The following RAB11FIP3 variants were observed in gnomAD, a reference collection of about 807,000 sequenced individuals.
The protein encoded by RAB11FIP3 is RAB11 family interacting protein 3.
RAB11FIP3 carries 17 observed loss-of-function variants against 77.8 expected under a neutral mutation model. The ratio of observed to expected loss-of-function variants is 0.22; its 90% CI spans 0.15 to 0.33. The LOEUF is 0.33. Among genes scored for constraint, RAB11FIP3 ranks in the 10% least tolerant of loss-of-function variants. The probability of loss-of-function intolerance (pLI) is 1.00; values close to 1 mark genes in which losing one functional copy is unlikely to be tolerated. For synonymous variants in RAB11FIP3, 437 were observed against 448.2 expected (o/e 0.98, Z 0.31); for missense variants, 1,005 against 1,011.2 (o/e 0.99, Z 0.08).
intron 4 of RAB11FIP3, among the ~76,000 whole-genome samples, chr16:488,011 G>A (rs2141760345): frequency 6.6e-6 from 1 of 151,348 alleles, no homozygotes; most frequent in Non-Finnish European, 1.5e-5. Flanking sequence ...GACGTGGGAG[G>A]GCACACGAGT....
At chr16:433,577 G>C (rs2055076176) in intron 1 of RAB11FIP3, among the ~76,000 whole-genome samples, 2 of 151,802 alleles carry the variant, frequency 1.3e-5, no homozygotes, top group African/African-American at 4.8e-5. Context: ...GGCCGGATGC[G>C]GTGGCTCACG....
chr16:511,281 C>T (rs567544485), intron 9 of RAB11FIP3, among the ~76,000 whole-genome samples: 105 of 129,082 alleles, frequency 8.1e-4, no homozygotes, highest in Admixed American at 1.8e-3. Context: ...AAACTGCAGG[C>T]CAGGTAGGAG....
chr16:479,959 G>A (rs1025426342), intron 3 of RAB11FIP3, among the ~76,000 whole-genome samples: 1 of 151,684 alleles, frequency 6.6e-6, no homozygotes, highest in Non-Finnish European at 1.5e-5. Flanking sequence ...CTTGTTTTCT[G>A]CTCTCAGACA....
At chr16:468,441 A>G (rs2055755967) in intron 2 of RAB11FIP3, among the ~76,000 whole-genome samples, 3 of 152,030 alleles carry the variant, frequency 2.0e-5, no homozygotes, top group Admixed American at 2.0e-4. Flanking sequence ...AAACTAGAAT[A>G]AAACGAAGTC....
rs1491025998 is a variant in RAB11FIP3 at position 522,272 on chromosome 16, A to ATG, written c.*1435_*1436dup. On this transcript the variant is annotated 3_prime_UTR_variant, in exon 14 of 14. Coordinates refer to ENST00000262305, the MANE Select transcript of RAB11FIP3 (RefSeq NM_014700.4). ...TATATATATATATATATATATATAT[A>ATG]TGTATAATATATAAAGACTGGCACC... The ATG allele has an allele frequency of 6.9e-6, 1 of 145,272 alleles. No homozygotes were observed. The highest frequency in any genetic ancestry group is 6.9e-5 in the Admixed American group (1 of 14,580). 9.0% of individuals were successfully genotyped at this position (145,272 alleles called of 1,614,324 possible).
rs2055817509 is a variant in RAB11FIP3 at position 471,965 on chromosome 16, G to A, written c.903+576G>A. On this transcript the variant is annotated intron_variant, in intron 3 of 13. Transcript: ENST00000262305. The surrounding 1 kb of genome is among the most constrained non-coding windows in gnomAD (Gnocchi z 4.4). ...TAGATTCCAGGAGAGCCACGTGGCT[G>A]CAGCAGAAAATGCATGAAGTTGAAC... Among the ~76,000 whole-genome samples the A allele has an allele frequency of 6.6e-6, 1 of 152,202 alleles. No homozygotes were observed. The highest frequency in any genetic ancestry group is 1.5e-5 in the Non-Finnish European group (1 of 68,038).
chr16:438,392 C>T (rs903050074), intron 1 of RAB11FIP3, among the ~76,000 whole-genome samples: 6 of 150,356 alleles, frequency 4.0e-5, no homozygotes, highest in East Asian at 2.0e-4. Context: ...AGGCATGAGC[C>T]GCTGCGTCCG....
chr16:516,214 T>C (rs774359496), intron 9 of RAB11FIP3, among the ~76,000 whole-genome samples: 133 of 152,292 alleles, frequency 8.7e-4, no homozygotes, highest in Admixed American at 1.4e-3. Context: ...TGCCCCTGGG[T>C]TTCCACTTAC....
In RAB11FIP3 at chr16:454,214, A is replaced by G. The variant is rs565845473; in HGVS notation, c.715-7190A>G. On this transcript the variant is annotated intron_variant, in intron 1 of 13. Transcript: ENST00000262305. ...CTCTGAGCAGGGTCGTTAAGCATCAACTGCCAAGCATAACCCCCTATAAAG... is the reference window on the plus strand; with the variant it reads ...CTCTGAGCAGGGTCGTTAAGCATCAGCTGCCAAGCATAACCCCCTATAAAG... 1.7e-4 allele frequency among the ~76,000 whole-genome samples: 26 copies of G among 152,272 alleles called. 1 individual carries two copies. Among genetic ancestry groups the G allele is most frequent in the Middle Eastern group, 3.4e-3 (1 of 294 alleles).
rs1466408697 is a variant in RAB11FIP3, at chr16:438,839, G to A, written c.714+12119G>A. ...CAAGTAGCTGGGACTACTGGCACGC[G>A]CCACCACGCCCAGCTAATTTTTGTA... is the stretch of plus-strand genomic sequence containing the variant. On this transcript the variant is annotated intron_variant, in intron 1 of 13. Transcript: ENST00000262305. Among the ~76,000 whole-genome samples, 4 of 152,192 alleles carry A rather than the reference G, an allele frequency of 2.6e-5. No individual in the cohort carries two copies. The South Asian group carries it at 6.2e-4, about 24-fold the overall frequency.
chr16:494,840 C>T (rs8063559), intron 5 of RAB11FIP3, among the ~76,000 whole-genome samples: 1,105 of 129,324 alleles, frequency 8.5e-3, no homozygotes, highest in African/African-American at 0.03. Context: ...GAGGTCGAGG[C>T]TGCAGAGGTG....
At chr16:510,133 AC>A (rs2032066797) in intron 8 of RAB11FIP3, among the ~76,000 whole-genome samples, 1 of 144,688 alleles carries the variant, frequency 6.9e-6, no homozygotes, top group Admixed American at 6.8e-5. Context: ...CTCTGAGCGC[AC>A]TCGTTGTGTG....
At chr16:465,129 C>T (rs1193754861) in intron 2 of RAB11FIP3, among the ~76,000 whole-genome samples, 3 of 152,028 alleles carry the variant, frequency 2.0e-5, no homozygotes, top group Admixed American at 6.6e-5. Context: ...GGAGAAAAGC[C>T]GCTCATGAAG....
chr16:446,481 G>T (rs527267268), intron 1 of RAB11FIP3, among the ~76,000 whole-genome samples: 1 of 152,170 alleles, frequency 6.6e-6, no homozygotes, highest in African/African-American at 2.4e-5. Context: ...CTTTGGCACT[G>T]CCTGCAGATC....
chr16:435,555 T>C (rs1698232), intron 1 of RAB11FIP3, among the ~76,000 whole-genome samples: 70,980 of 152,064 alleles, frequency 0.47, 17,237 homozygotes, highest in African/African-American at 0.59. Context: ...GAAAGAAGTT[T>C]TGAAGAAATA....
chr16:475,967 T>A (rs1359375244), intron 3 of RAB11FIP3, among the ~76,000 whole-genome samples: 1 of 152,234 alleles, frequency 6.6e-6, no homozygotes, highest in African/African-American at 2.4e-5. Flanking sequence ...AGTGATTCCA[T>A]GCCTCAGCCT....
At chr16:494,967 T>A (rs12928931) in intron 5 of RAB11FIP3, among the ~76,000 whole-genome samples, 181 of 8,196 alleles carry the variant, frequency 0.022, no homozygotes, top group African/African-American at 0.032. Context: ...TCGAGGCTGC[T>A]GAGGTGGGAG....
At chr16:519,247 T>A in intron 10 of RAB11FIP3, 1 of 564,742 alleles carries the variant, frequency 1.8e-6, no homozygotes, top group Non-Finnish European at 3.1e-6. Flanking sequence ...GGGCTCTGAA[T>A]CTGGGAATTG....
chr16:488,107 G>A (rs529351604), intron 4 of RAB11FIP3, among the ~76,000 whole-genome samples: 4 of 152,246 alleles, frequency 2.6e-5, no homozygotes, highest in African/African-American at 4.8e-5. Flanking sequence ...CGGGCCAGGC[G>A]TGGTGGCTCA....
Sources: gnomAD v4.1 joint callset for allele counts (sites outside exome capture counted in the v4.1 genomes callset) on GRCh38, gnomAD v4.1.1 for gene constraint, Gnocchi (gnomAD v3.1) non-coding constraint, MANE v1.5 for transcripts, NCBI Gene and HGNC (gene_info 2026-07-23, HGNC 2026-07-21) for gene names.